Variants in ZDHHC7 observed in about 807,000 individuals in gnomAD.
ZDHHC7 encodes the protein zDHHC palmitoyltransferase 7, also known as palmitoyltransferase ZDHHC7.
A neutral mutation model predicts 34.1 loss-of-function variants in ZDHHC7; 12 were observed. The observed-to-expected ratio is 0.35, with a 90% CI of 0.23 to 0.57. The LOEUF (loss-of-function observed/expected upper bound fraction) is 0.57. ZDHHC7 is among the 20% of genes least tolerant of loss of function. The pLI, the probability that ZDHHC7 is intolerant of heterozygous loss-of-function variation, is 0.84. For missense variants in ZDHHC7, 388 were observed against 402.7 expected (o/e 0.96, Z 0.31); for synonymous variants, 185 against 155.4 (o/e 1.19, Z -1.42).
At chr16:85,012,867 A>ATG (rs1275293167), upstream of ZDHHC7, among the ~76,000 whole-genome samples, 1 of 152,164 alleles carries the variant, frequency 6.6e-6, no homozygotes, top group African/African-American at 2.4e-5. Flanking sequence ...AGATCGCGCC[A>ATG]TTGCACTCCA....
At chr16:84,987,290 C>T (rs1421929034) in intron 3 of ZDHHC7, among the ~76,000 whole-genome samples, 1 of 152,206 alleles carries the variant, frequency 6.6e-6, no homozygotes, top group Non-Finnish European at 1.5e-5. Context: ...GCCAACAAGC[C>T]CATGAAATGA....
upstream of ZDHHC7, among the ~76,000 whole-genome samples, chr16:85,015,958 T>C (rs1338734295): frequency 1.3e-5 from 2 of 152,208 alleles, no homozygotes; most frequent in African/African-American, 4.8e-5. Context: ...AAAGTCTGTT[T>C]CTTCATCAGT....
At chr16:84,978,952 C>T (rs552959052) in intron 5 of ZDHHC7, among the ~76,000 whole-genome samples, 12 of 151,650 alleles carry the variant, frequency 7.9e-5, no homozygotes, top group Admixed American at 2.6e-4. Context: ...TAAACAATAG[C>T]GATTGAGGAC....
intron 1 of ZDHHC7, among the ~76,000 whole-genome samples, chr16:85,010,045 C>CTTTTT (rs10630948): frequency 1.4e-5 from 2 of 138,442 alleles, no homozygotes; most frequent in African/African-American, 2.7e-5. Flanking sequence ...AACAAAGTGA[C>CTTTTT]TTTTTTTTTT....
In ZDHHC7 at chr16:84,976,312, G is replaced by T. The variant is rs1379647404; in HGVS notation, c.*31C>A. On this transcript the variant is annotated 3_prime_UTR_variant, in exon 8 of 8. Coordinates refer to ENST00000313732, the MANE Select transcript of ZDHHC7 (RefSeq NM_017740.3). ...ACCCCAAATAAATAACTGGAAGTCT[G>T]TGAGCAAGTTTCAGTCTGATGAGCC... 6.2e-7 allele frequency: 1 copy of T among 1,608,960 alleles called. No individual in the cohort carries two copies. Among genetic ancestry groups the T allele is most frequent in the Non-Finnish European group, 8.5e-7 (1 of 1,178,940 alleles).
the ZDHHC7 span, among the ~76,000 whole-genome samples, chr16:85,021,673 G>C: frequency 1.1e-4 from 17 of 149,726 alleles, no homozygotes; most frequent in African/African-American, 4.2e-4. Context: ...AGCAGAGATT[G>C]TGCCACTGCA....
rs779272102 is a variant in ZDHHC7 at position 84,976,351 on chromosome 16, A to G, written c.919T>C (p.Ser307Pro). The change falls in exon 8 of 8, where the codon TCA (serine) becomes CCA (proline). Residue 307 changes from serine (S) to proline (P), a missense_variant. Ser to Pro is a moderately conservative substitution (Grantham distance 74). Transcript: ENST00000313732. ...GTCTGATGAGCCACGCCTCACACTGAGAACTCCGGGCCACCTTTTCTGGGT... is the reference window on the plus strand; with the variant it reads ...GTCTGATGAGCCACGCCTCACACTGGGAACTCCGGGCCACCTTTTCTGGGT... ...TRPRKGGPEF[S>P]V 1 of 1,613,906 alleles carries G rather than the reference A, an allele frequency of 6.2e-7. No individual in the cohort carries two copies. Among genetic ancestry groups the G allele is most frequent in the African/African-American group, 1.3e-5 (1 of 74,984 alleles).
intron 1 of ZDHHC7, among the ~76,000 whole-genome samples, chr16:84,998,078 A>G (rs1490982423): frequency 1.3e-5 from 2 of 148,412 alleles, no homozygotes; most frequent in Non-Finnish European, 3.0e-5. Flanking sequence ...AGCTACTAAC[A>G]CGGTGAAACC....
rs1175253109 is a variant in ZDHHC7 at position 84,977,134 on chromosome 16, C to T, written c.711G>A (p.Met237Ile). 1.2e-6 allele frequency: 2 copies of T among 1,614,056 alleles called. No individual in the cohort carries two copies. The highest frequency in any genetic ancestry group is 1.7e-6 in the Non-Finnish European group (2 of 1,180,052). Residue 237 changes from methionine to isoleucine, a missense_variant, in exon 7 of 8, where the codon ATG (methionine) becomes ATA (isoleucine). Met to Ile is a conservative substitution (Grantham distance 10). Coordinates refer to ENST00000313732, the MANE Select transcript of ZDHHC7 (RefSeq NM_017740.3). ...GLLFFTFTAV[M>I]FGTQIHSICN... ...ATATGGAGTGGATTTGGGTGCCAAA[C>T]ATAACTGCAGTGAAAGTGAAAAACA...
At chr16:85,025,149 G>A in the ZDHHC7 span, among the ~76,000 whole-genome samples, 35 of 152,136 alleles carry the variant, frequency 2.3e-4, no homozygotes, top group Middle Eastern at 6.8e-3. Flanking sequence ...ATGGCGGTGC[G>A]CACCTGCATT....
chr16:84,977,388 A>C, intron 6 of ZDHHC7, 163 bp from the exon 7 acceptor site: 1 of 859,720 alleles, frequency 1.2e-6, no homozygotes, highest in South Asian at 2.0e-5. Flanking sequence ...GGAGCAGAGG[A>C]GGGCCACCCT....
intron 2 of ZDHHC7, among the ~76,000 whole-genome samples, chr16:84,994,140 C>A (rs2143665849): frequency 6.6e-6 from 1 of 152,366 alleles, no homozygotes. Flanking sequence ...GACCTCCCGG[C>A]CTGATGTCAG....
intron 3 of ZDHHC7, among the ~76,000 whole-genome samples, chr16:84,982,968 G>A (rs1174632002): frequency 6.6e-6 from 1 of 152,272 alleles, no homozygotes; most frequent in African/African-American, 2.4e-5. Flanking sequence ...TGCAACAGCA[G>A]AGGCTTTGTT....
the ZDHHC7 span, among the ~76,000 whole-genome samples, chr16:85,026,015 G>T: frequency 2.0e-5 from 3 of 152,292 alleles, no homozygotes. Flanking sequence ...TTAAAAAATG[G>T]TCATGTAATC....
At chr16:84,982,275 G>T (rs1390773196) in intron 3 of ZDHHC7, among the ~76,000 whole-genome samples, 2 of 151,148 alleles carry the variant, frequency 1.3e-5, no homozygotes, top group African/African-American at 4.9e-5. Context: ...AACTCAGGAG[G>T]TAGAGGTTGC....
chr16:84,989,005 G>A, intron 3 of ZDHHC7: 1 of 886,912 alleles, frequency 1.1e-6, no homozygotes, highest in Non-Finnish European at 1.8e-6. Context: ...GAAGGAGAGG[G>A]CGGAGACACA....
intron 1 of ZDHHC7, among the ~76,000 whole-genome samples, chr16:85,010,683 T>C (rs1342032908): frequency 6.6e-6 from 1 of 152,012 alleles, no homozygotes; most frequent in African/African-American, 2.4e-5. Flanking sequence ...AGTGTGTCTA[T>C]CTAACTGAGT....
In ZDHHC7 at chr16:84,976,307, A is replaced by C; in HGVS notation, c.*36T>G. 6.2e-7 allele frequency: 1 copy of C among 1,608,118 alleles called. No homozygotes were observed. Among genetic ancestry groups the C allele is most frequent in the Non-Finnish European group, 8.5e-7 (1 of 1,178,576 alleles). On this transcript the variant is annotated 3_prime_UTR_variant, in exon 8 of 8. Coordinates refer to ENST00000313732, the MANE Select transcript of ZDHHC7 (RefSeq NM_017740.3). ...TTCAGACCCCAAATAAATAACTGGA[A>C]GTCTGTGAGCAAGTTTCAGTCTGAT...
upstream of ZDHHC7, among the ~76,000 whole-genome samples, chr16:85,012,050 C>T (rs2143775963): frequency 6.6e-6 from 1 of 152,298 alleles, no homozygotes; most frequent in South Asian, 2.1e-4. Context: ...GCCACTGTCC[C>T]TTCCATATAG....
Sources: gnomAD v4.1 joint callset for allele counts (sites outside exome capture counted in the v4.1 genomes callset) on GRCh38, gnomAD v4.1.1 for gene constraint, MANE v1.5 for transcripts, NCBI Gene and HGNC (gene_info 2026-07-23, HGNC 2026-07-21) for gene names.